SLCO5A1: variants seen among roughly 807,000 people sequenced by gnomAD.
SLCO5A1 encodes the protein solute carrier organic anion transporter family member 5A1, also known as organic anion transporter polypeptide-related protein 4.
SLCO5A1 carries 39 observed loss-of-function variants against 65.1 expected under a neutral mutation model. The ratio of observed to expected loss-of-function variants is 0.60; its 90% CI spans 0.46 to 0.78. SLCO5A1 has a LOEUF of 0.78. Among genes scored for constraint, SLCO5A1 ranks in the 30% least tolerant of loss-of-function variants. The pLI, the probability that SLCO5A1 is intolerant of heterozygous loss-of-function variation, is 0.00. For missense variants in SLCO5A1, 1,029 were observed against 1,069.4 expected (o/e 0.96, Z 0.53); for synonymous variants, 438 against 415.7 (o/e 1.05, Z -0.65).
chr8:69,763,652 G>A (rs1317846632), intron 2 of SLCO5A1, among the ~76,000 whole-genome samples: 35 of 81,838 alleles, frequency 4.3e-4, no homozygotes, highest in African/African-American at 8.0e-4. Context: ...AAAAAAAAAA[G>A]GGTGTATAGC....
rs1040373127 is a variant in SLCO5A1 at position 69,671,132 on chromosome 8, C to T, written c.*1737G>A. The T allele has an allele frequency of 3.9e-5, 6 of 152,150 alleles. No homozygotes were observed. In the East Asian group the frequency reaches 9.6e-4, roughly 24 times the overall value. 9.4% of individuals were successfully genotyped at this position (152,150 alleles called of 1,614,324 possible). A position where few individuals can be genotyped will look rare whatever the true frequency, so the allele number is the denominator to read the frequency against. On this transcript the variant is annotated 3_prime_UTR_variant, in exon 10 of 10. Coordinates refer to ENST00000260126, the MANE Select transcript of SLCO5A1 (RefSeq NM_030958.3). The stretch of plus-strand genomic sequence containing the variant: ...TAGCCCCTGAGACCACTAGCTCCAC[C>T]CCTTGTAGACATTGTTCAGTCTAAC...
At chr8:69,725,386 A>G (rs181774382) in intron 5 of SLCO5A1, among the ~76,000 whole-genome samples, 1 of 152,176 alleles carries the variant, frequency 6.6e-6, no homozygotes, top group East Asian at 1.9e-4. Context: ...TCTGTAAAGT[A>G]CCCCCAGAAA....
At chr8:69,703,486 AC>A (rs1208050881) in intron 6 of SLCO5A1, among the ~76,000 whole-genome samples, 1 of 152,142 alleles carries the variant, frequency 6.6e-6, no homozygotes, top group Admixed American at 6.5e-5. Flanking sequence ...TTCAAGACCA[AC>A]CTGGGCAACA....
At chr8:69,707,748 C>T (rs1257803196) in intron 5 of SLCO5A1, among the ~76,000 whole-genome samples, 1 of 152,054 alleles carries the variant, frequency 6.6e-6, no homozygotes, top group East Asian at 1.9e-4. Context: ...CACAGTAGGG[C>T]CCCACAAAGA....
intron 6 of SLCO5A1, among the ~76,000 whole-genome samples, chr8:69,683,070 G>A (rs747747255): frequency 1.4e-4 from 22 of 152,096 alleles, no homozygotes; most frequent in Non-Finnish European, 2.9e-4. Flanking sequence ...CATATGAAAG[G>A]CTTGAAGAAA....
At chr8:69,725,194 G>T (rs1266268828) in intron 5 of SLCO5A1, among the ~76,000 whole-genome samples, 1 of 152,178 alleles carries the variant, frequency 6.6e-6, no homozygotes, top group Non-Finnish European at 1.5e-5. Context: ...GTAAGGGGCA[G>T]AGGCAGATCT....
rs1813668962 is a variant in SLCO5A1 at position 69,679,300 on chromosome 8, T to A, written c.2024+78A>T. On this transcript the variant is annotated intron_variant, in intron 8 of 9. Coordinates refer to ENST00000260126, the MANE Select transcript of SLCO5A1 (RefSeq NM_030958.3). ...TTGCTTTGCTCTCTGATTTACCACATAAGCCCCTTGTCCTGGATTATGTGC... is the reference window on the plus strand; with the variant it reads ...TTGCTTTGCTCTCTGATTTACCACAAAAGCCCCTTGTCCTGGATTATGTGC... 6 of 1,576,692 alleles carry A rather than the reference T, an allele frequency of 3.8e-6. No homozygotes were observed. The African/African-American group carries it at 6.8e-5, about 18-fold the overall frequency.
At chr8:69,711,361 C>T (rs2380586) in intron 5 of SLCO5A1, among the ~76,000 whole-genome samples, 1 of 151,918 alleles carries the variant, frequency 6.6e-6, no homozygotes, top group South Asian at 2.1e-4. Context: ...GACCCTGCCG[C>T]GTTCCCAGCC....
intron 4 of SLCO5A1, among the ~76,000 whole-genome samples, chr8:69,746,508 A>G (rs1447021913): frequency 6.6e-6 from 1 of 152,208 alleles, no homozygotes; most frequent in African/African-American, 2.4e-5. Flanking sequence ...TCATAGTTAT[A>G]TAAAAGATGG....
chr8:69,819,333 G>C (rs970609670), intron 2 of SLCO5A1, among the ~76,000 whole-genome samples: 1 of 151,016 alleles, frequency 6.6e-6, no homozygotes, highest in Non-Finnish European at 1.5e-5. Context: ...AGACACCACC[G>C]CCACCCCCTA....
At chr8:69,807,120 C>G (rs1324309710) in intron 2 of SLCO5A1, among the ~76,000 whole-genome samples, 1 of 152,218 alleles carries the variant, frequency 6.6e-6, no homozygotes, top group African/African-American at 2.4e-5. Context: ...ACTCAAAACA[C>G]AGAGAGAACC....
At chr8:69,758,887 C>T (rs1486193353) in intron 3 of SLCO5A1, among the ~76,000 whole-genome samples, 1 of 152,138 alleles carries the variant, frequency 6.6e-6, no homozygotes, top group African/African-American at 2.4e-5. Context: ...ACTAAGGGGG[C>T]CAGTTAAGAG....
chr8:69,679,702 A>C, intron 7 of SLCO5A1, 83 bp from the exon 8 acceptor site: 1 of 1,545,810 alleles, frequency 6.5e-7, no homozygotes, highest in Non-Finnish European at 8.8e-7. Flanking sequence ...GTTAAGTAAA[A>C]GTACTCTAAA....
chr8:69,757,571 C>G (rs1179110357), intron 3 of SLCO5A1, among the ~76,000 whole-genome samples: 1 of 152,020 alleles, frequency 6.6e-6, no homozygotes, highest in Non-Finnish European at 1.5e-5. Flanking sequence ...CCCAGCTACT[C>G]GGGAGGCTGA....
chr8:69,825,657 A>G (rs1234244255), intron 2 of SLCO5A1, among the ~76,000 whole-genome samples: 1 of 152,204 alleles, frequency 6.6e-6, no homozygotes, highest in Non-Finnish European at 1.5e-5. Context: ...AGAACGTTCC[A>G]TGCTCATGGG....
At chr8:69,674,869 A>AG in intron 9 of SLCO5A1, among the ~76,000 whole-genome samples, 1 of 47,822 alleles carries the variant, frequency 2.1e-5, no homozygotes, top group Admixed American at 2.4e-4. Flanking sequence ...AAAAAAAAAA[A>AG]CAAAAAAAAA....
chr8:69,762,190 C>CTT (rs1386053304), intron 2 of SLCO5A1, among the ~76,000 whole-genome samples: 51 of 59,598 alleles, frequency 8.6e-4, no homozygotes, highest in African/African-American at 3.5e-3. Context: ...TTCTTTCTTT[C>CTT]TTTCTTTCTT....
intron 5 of SLCO5A1, among the ~76,000 whole-genome samples, chr8:69,718,290 T>C (rs1815651247): frequency 6.6e-6 from 1 of 152,242 alleles, no homozygotes; most frequent in African/African-American, 2.4e-5. Flanking sequence ...GTTTTTATAA[T>C]TGATTCCTTA....
rs762358906 is a variant in SLCO5A1, at chr8:69,676,621, A to G, written c.2077T>C (p.Leu693=). The G allele has an allele frequency of 2.6e-5, 42 of 1,613,098 alleles. No homozygotes were observed. The highest frequency in any genetic ancestry group is 3.5e-5 in the Non-Finnish European group (41 of 1,179,614). The part of the protein sequence containing the change: ...PFALGMQFVL[L]RTLAYIPTPI... ...TTCAGGGACGTACCAAGTGTTCGCA[A>G]CAAAACAAACTGCATTCCCAGTGCA... The change falls in exon 9 of 10, where the codon TTG becomes CTG. Residue 693 remains leucine (L), a synonymous_variant. Coordinates refer to ENST00000260126, the MANE Select transcript of SLCO5A1 (RefSeq NM_030958.3).
Sources: gnomAD v4.1 joint callset for allele counts (sites outside exome capture counted in the v4.1 genomes callset) on GRCh38, gnomAD v4.1.1 for gene constraint, MANE v1.5 for transcripts, NCBI Gene and HGNC (gene_info 2026-07-23, HGNC 2026-07-21) for gene names.